BDH1: variants seen among roughly 807,000 people sequenced by gnomAD.
BDH1 encodes the protein 3-hydroxybutyrate dehydrogenase 1.
A neutral mutation model predicts 33.1 loss-of-function variants in BDH1; 30 were observed. That is an observed-to-expected ratio of 0.91 (90% confidence interval 0.68 to 1.23). The LOEUF (loss-of-function observed/expected upper bound fraction) is 1.23, where lower values mean the gene tolerates loss of function less well. Among genes scored for constraint, BDH1 ranks in the 50% most tolerant of loss-of-function variants. The pLI, the probability that BDH1 is intolerant of heterozygous loss-of-function variation, is 0.00. For synonymous variants in BDH1, 190 were observed against 183.6 expected, an observed-to-expected ratio of 1.03 and a Z score of -0.28; for missense variants, 443 against 464.4, an observed-to-expected ratio of 0.95 and a Z score of 0.42.
At chr3:197,536,606 C>T (rs777580729) in intron 3 of BDH1, among the ~76,000 whole-genome samples, 4 of 152,058 alleles carry the variant, frequency 2.6e-5, no homozygotes, top group South Asian at 2.1e-4. Flanking sequence ...TTTGGGAGGC[C>T]GAGGCAGGTG....
intron 2 of BDH1, among the ~76,000 whole-genome samples, chr3:197,552,189 C>T (rs906276402): frequency 6.6e-6 from 1 of 152,160 alleles, no homozygotes; most frequent in Non-Finnish European, 1.5e-5. Context: ...TTCTTGACTC[C>T]CCTTTCCTGC....
rs1414180407 is a variant in BDH1, at chr3:197,533,540, A to C, written c.105T>G (p.Ser35=). The C allele has an allele frequency of 1.2e-6, 2 of 1,614,280 alleles. No homozygotes were observed. The highest frequency in any genetic ancestry group is 2.2e-5 in the South Asian group (2 of 91,086). ...NGARRPLLLG[S]TSFIPIGRRT... ...GACGGCCAATCGGGATAAAGGAAGT[A>C]GAACCAAGCAATAGTGGGCGTCTGC... The change falls in exon 4 of 8, where the codon TCT becomes TCG. Residue 35 remains serine (S), a synonymous_variant. Transcript: ENST00000392379.
chr3:197,537,010 AC>A (rs1715217366), intron 3 of BDH1, among the ~76,000 whole-genome samples: 1 of 152,056 alleles, frequency 6.6e-6, no homozygotes, highest in South Asian at 2.1e-4. Flanking sequence ...ATTTTTTGAG[AC>A]AGGGTCTCAC....
intron 6 of BDH1, chr3:197,515,659 G>C (rs952264810): frequency 1.0e-6 from 1 of 985,362 alleles, no homozygotes; most frequent in African/African-American, 1.7e-5. Context: ...CACAAATACC[G>C]CATTTCCATA....
At chr3:197,515,212 G>A in intron 6 of BDH1, 1 of 870,784 alleles carries the variant, frequency 1.1e-6, no homozygotes, top group South Asian at 5.3e-5. Context: ...TTCATTCACT[G>A]CCCTCTGGTG....
chr3:197,532,579 C>G, intron 4 of BDH1, 57 bp from the exon 5 acceptor site: 2 of 1,261,086 alleles, frequency 1.6e-6, no homozygotes, highest in Admixed American at 1.7e-5. Flanking sequence ...GCAAAGTGAC[C>G]AGGCCTCTCC....
chr3:197,560,934 G>C (rs1320792604), upstream of BDH1, among the ~76,000 whole-genome samples: 1 of 151,762 alleles, frequency 6.6e-6, no homozygotes, highest in Non-Finnish European at 1.5e-5. Context: ...TCCCACTTTT[G>C]CTTCAAGTTG....
rs776628807 is a variant in BDH1 at position 197,514,319 on chromosome 3, A to C, written c.507T>G (p.Leu169=). ...ATTTCGTCATCCGCACTGTGCCCCA[A>C]AGGTTCACTTCTGCCACCTGCTTGT... ...ETYKQVAEVN[L]WGTVRMTKSF... is the part of the protein sequence containing the mutation. Residue 169 remains leucine (L), a synonymous_variant, in exon 7 of 8, where the codon CTT becomes CTG. Transcript: ENST00000392379. The surrounding 1 kb of genome is among the most constrained non-coding windows in gnomAD (Gnocchi z 4.2). 6.2e-7 allele frequency: 1 copy of C among 1,613,916 alleles called. No homozygotes were observed. Among genetic ancestry groups the C allele is most frequent in the Non-Finnish European group, 8.5e-7 (1 of 1,179,912 alleles).
intron 3 of BDH1, among the ~76,000 whole-genome samples, chr3:197,542,540 T>TTTA (rs1715731114): frequency 1.4e-5 from 2 of 147,624 alleles, no homozygotes; most frequent in Admixed American, 6.7e-5. Context: ...TTTTTTTTTT[T>TTTA]GAGACGGAGT....
chr3:197,567,604 C>T (rs2108776991), intron 1 of BDH1, among the ~76,000 whole-genome samples: 1 of 152,232 alleles, frequency 6.6e-6, no homozygotes. Flanking sequence ...CTCTGACCAC[C>T]TTGGGCACAT....
At chr3:197,547,532 G>A (rs1716184648) in intron 2 of BDH1, among the ~76,000 whole-genome samples, 1 of 152,244 alleles carries the variant, frequency 6.6e-6, no homozygotes, top group African/African-American at 2.4e-5. Context: ...TAATCCTCAG[G>A]AAAGGAAAGC....
Position 197,512,247 on chromosome 3 carries a change from T to A in BDH1, c.680A>T (p.Tyr227Phe). ...CACGCTGACCTTCACGCCCAGGGGGTACATCTCATAGCGCAGGCAGTCCGA... is the reference window on the plus strand; with the variant it reads ...CACGCTGACCTTCACGCCCAGGGGGAACATCTCATAGCGCAGGCAGTCCGA... ...AFSDCLRYEM[Y>F]PLGVKVSVVE... Residue 227 changes from tyrosine to phenylalanine, a missense_variant, in exon 8 of 8, where the codon TAC (tyrosine) becomes TTC (phenylalanine). Tyr to Phe is a conservative substitution (Grantham distance 22). Transcript: ENST00000392379. The A allele has an allele frequency of 1.9e-6, 3 of 1,613,190 alleles. No individual in the cohort carries two copies. The South Asian group carries it at 3.3e-5, about 18-fold the overall frequency.
chr3:197,554,525 C>G lies in BDH1; in HGVS notation c.-44+37G>C, dbSNP rs1716834981. On this transcript the variant is annotated intron_variant, in intron 2 of 7. Transcript: ENST00000392379. The surrounding 1 kb of genome is among the most constrained non-coding windows in gnomAD (Gnocchi z 4.4). The stretch of plus-strand genomic sequence containing the variant: ...GGATATATACGCCCTATGCAGAGCC[C>G]GGCTCCAACGCCTCTTGTAGAAAGA... The G allele has an allele frequency of 6.6e-6, 1 of 152,228 alleles. No individual in the cohort carries two copies. Among genetic ancestry groups the G allele is most frequent in the Admixed American group, 6.5e-5 (1 of 15,276 alleles). The allele number at this position is 152,228 out of a possible 1,614,324, so 9.4% of individuals were successfully genotyped here.
At position 197,514,229 on chromosome 3, in the gene BDH1, T is replaced by C. The variant is rs199666262; in HGVS notation, c.562+35A>G. On this transcript the variant is annotated intron_variant, in intron 7 of 7. Coordinates refer to ENST00000392379, the MANE Select transcript of BDH1 (RefSeq NM_203314.3). The surrounding 1 kb of genome is among the most constrained non-coding windows in gnomAD (Gnocchi z 4.2). ...AGCAAAGATGAACACGTGGGGCAGGTTCAGGGGCAGGAGGGAGCTCCCTTT... is the reference window on the plus strand; with the variant it reads ...AGCAAAGATGAACACGTGGGGCAGGCTCAGGGGCAGGAGGGAGCTCCCTTT... 1.3e-4 allele frequency: 212 copies of C among 1,591,900 alleles called. No homozygotes were observed. In the African/African-American group the frequency reaches 2.5e-3, roughly 19 times the overall value.
intron 3 of BDH1, among the ~76,000 whole-genome samples, chr3:197,541,567 GA>G (rs2108753145): frequency 6.6e-6 from 1 of 152,272 alleles, no homozygotes; most frequent in African/African-American, 2.4e-5. Flanking sequence ...GATAATTATG[GA>G]AACCCAGGTG....
chr3:197,514,024 T>A lies in BDH1; in HGVS notation c.562+240A>T. 2.0e-6 allele frequency: 1 copy of A among 501,984 alleles called. No homozygotes were observed. The highest frequency in any genetic ancestry group is 3.5e-6 in the Non-Finnish European group (1 of 286,932). 31.1% of individuals were successfully genotyped at this position (501,984 alleles called of 1,614,324 possible). The stretch of plus-strand genomic sequence containing the variant: ...TGTGCAGAGTGGATGGCTGCTCAAC[T>A]CTTTAAGCTTTTGCTGCATGGACCA... On this transcript the variant is annotated intron_variant, in intron 7 of 7. Transcript: ENST00000392379. The surrounding 1 kb of genome is among the most constrained non-coding windows in gnomAD (Gnocchi z 4.2).
In BDH1 at chr3:197,512,005, C is replaced by T. The variant is rs756705857; in HGVS notation, c.922G>A (p.Ala308Thr). ...TGGTAGCGGGTGTAGGGGGTGGTGG[C>T]GGTCAGGGCGTGTGTGACAGCATCG... is the stretch of plus-strand genomic sequence containing the variant. ...VIDAVTHALTATTPYTRYHPM... is the reference protein window; with the variant it reads ...VIDAVTHALTTTTPYTRYHPM... Residue 308 changes from alanine (A) to threonine (T), a missense_variant, in exon 8 of 8, where the codon GCC (alanine) becomes ACC (threonine). By Grantham distance (58) the Ala-to-Thr change is moderately conservative. Transcript: ENST00000392379. The T allele has an allele frequency of 6.2e-6, 10 of 1,613,410 alleles. No individual in the cohort carries two copies. Among genetic ancestry groups the T allele is most frequent in the African/African-American group, 5.3e-5 (4 of 74,872 alleles).
rs1713521689 is a variant in BDH1 at position 197,521,294 on chromosome 3, A to G, written c.409+1346T>C. Reference sequence around the variant, plus strand: ...AGGGAGCTCCATCCCCCACTGCTGTATTCTACATGAATGGCACCCCGAGGT... The same window carrying G: ...AGGGAGCTCCATCCCCCACTGCTGTGTTCTACATGAATGGCACCCCGAGGT... On this transcript the variant is annotated intron_variant, in intron 6 of 7. Transcript: ENST00000392379. The surrounding 1 kb of genome is among the most constrained non-coding windows in gnomAD (Gnocchi z 4.9). Among the ~76,000 whole-genome samples, 1 of 152,122 alleles carries G rather than the reference A, an allele frequency of 6.6e-6. No homozygotes were observed. Among genetic ancestry groups the G allele is most frequent in the Admixed American group, 6.5e-5 (1 of 15,278 alleles).
Sources: gnomAD v4.1 joint callset for allele counts (sites outside exome capture counted in the v4.1 genomes callset) on GRCh38, gnomAD v4.1.1 for gene constraint, Gnocchi (gnomAD v3.1) non-coding constraint, MANE v1.5 for transcripts, NCBI Gene and HGNC (gene_info 2026-07-23, HGNC 2026-07-21) for gene names.